Variants in OPTN observed in about 807,000 individuals in gnomAD.
The protein encoded by OPTN is E3-14.7K-interacting protein.
Under a neutral mutation model 70.4 loss-of-function variants are expected in OPTN, and 54 were observed. The observed-to-expected ratio is 0.77, with a 90% confidence interval of 0.62 to 0.96. The LOEUF (loss-of-function observed/expected upper bound fraction) is 0.96. Ranked by LOEUF, OPTN falls within the 40% of genes least tolerant of loss-of-function variation. The pLI is 0.00. For synonymous variants in OPTN, 256 were observed against 248.5 expected (o/e 1.03, Z -0.28); for missense variants, 624 against 673.2 (o/e 0.93, Z 0.81).
chr10:13,107,629 C>A (rs977724597), intron 1 of OPTN, among the ~76,000 whole-genome samples: 51 of 151,978 alleles, frequency 3.4e-4, no homozygotes, highest in Admixed American at 3.3e-3. Context: ...AATCTGCCCG[C>A]CTCAGCCTCC....
intron 5 of OPTN, among the ~76,000 whole-genome samples, chr10:13,115,197 ATATATCTATATTTATATATATATTTAT>A (rs1256567207): frequency 3.7e-5 from 2 of 54,608 alleles, no homozygotes; most frequent in African/African-American, 1.5e-4. Context: ...ATATTTATAG[ATATATCTATATTTATATATATATTTAT>A]ATATAGATAT....
chr10:13,132,489 T>C (rs989828170), intron 13 of OPTN, among the ~76,000 whole-genome samples: 19 of 151,900 alleles, frequency 1.3e-4, no homozygotes, highest in Admixed American at 2.0e-4. Flanking sequence ...TAAGCAAGGA[T>C]TTTGATTTGA....
intron 4 of OPTN, among the ~76,000 whole-genome samples, chr10:13,111,905 T>A (rs1256010256): frequency 6.1e-5 from 8 of 132,108 alleles, no homozygotes; most frequent in African/African-American, 2.0e-4. Context: ...TGGAGTACAG[T>A]GGCATAATCT....
chr10:13,122,869 G>T (rs1233970954), intron 8 of OPTN: 2 of 291,380 alleles, frequency 6.9e-6, no homozygotes, highest in African/African-American at 2.2e-5. Context: ...TACAGACAGG[G>T]TTTCACCATG....
At chr10:13,107,523 C>T (rs1343590515) in intron 1 of OPTN, among the ~76,000 whole-genome samples, 3 of 150,060 alleles carry the variant, frequency 2.0e-5, no homozygotes, top group Admixed American at 6.6e-5. Context: ...GGACTACAGG[C>T]ACCTGCCACC....
chr10:13,129,924 T>C (rs541746940), intron 12 of OPTN, among the ~76,000 whole-genome samples: 2 of 152,314 alleles, frequency 1.3e-5, no homozygotes, highest in South Asian at 2.1e-4. Context: ...CTGGTACTTA[T>C]AGCTTTAGTT....
At chr10:13,118,048 C>G (rs771302316) in intron 6 of OPTN, among the ~76,000 whole-genome samples, 13 of 152,224 alleles carry the variant, frequency 8.5e-5, no homozygotes, top group African/African-American at 3.1e-4. Context: ...ACTTCCTCAT[C>G]ATTCATATCC....
chr10:13,103,751 C>CACACACACAT (rs1399177393), intron 1 of OPTN, among the ~76,000 whole-genome samples: 1 of 59,222 alleles, frequency 1.7e-5, no homozygotes, highest in African/African-American at 4.0e-5. Flanking sequence ...TGCACACACA[C>CACACACACAT]ACACACACAC....
chr10:13,130,012 T>C (rs922079961), intron 12 of OPTN, among the ~76,000 whole-genome samples: 5 of 152,206 alleles, frequency 3.3e-5, no homozygotes, highest in African/African-American at 9.6e-5. Context: ...ACTCATGTCA[T>C]TGGGTTCTTC....
At chr10:13,128,477 T>TTGTG (rs56220050) in intron 12 of OPTN, among the ~76,000 whole-genome samples, 33,182 of 135,718 alleles carry the variant, frequency 0.24, 4,655 homozygotes, top group South Asian at 0.32. Context: ...GTATCCTCTT[T>TTGTG]TGTGAAGTGC....
At chr10:13,113,217 GT>G (rs577555927) in intron 5 of OPTN, among the ~76,000 whole-genome samples, 193 of 152,202 alleles carry the variant, frequency 1.3e-3, no homozygotes, top group African/African-American at 4.4e-3. Flanking sequence ...AAAAAGACAG[GT>G]TTTTGCCATG....
At chr10:13,123,336 A>C (rs1302026496) in intron 8 of OPTN, 2 of 152,908 alleles carry the variant, frequency 1.3e-5, no homozygotes, top group Admixed American at 6.5e-5. Flanking sequence ...AGGCATTTAC[A>C]TAAAATATTC....
intron 5 of OPTN, among the ~76,000 whole-genome samples, chr10:13,114,836 AAT>A: frequency 1.8e-5 from 2 of 111,952 alleles, no homozygotes; most frequent in African/African-American, 3.4e-5. Flanking sequence ...ATAATTATAT[AAT>A]TATATAATTG....
intron 14 of OPTN, 68 bp from the exon 15 acceptor site, chr10:13,136,677 T>C: frequency 6.2e-7 from 1 of 1,601,070 alleles, no homozygotes; most frequent in Middle Eastern, 1.7e-4. Context: ...TCGCCATCTG[T>C]TCTTCAAGTG....
At chr10:13,135,032 C>T (rs986484877) in intron 14 of OPTN, among the ~76,000 whole-genome samples, 9 of 152,152 alleles carry the variant, frequency 5.9e-5, no homozygotes, top group Non-Finnish European at 1.2e-4. Context: ...TCAATACATA[C>T]CTCTTCAGAA....
At chr10:13,113,496 A>AGC (rs1242901872) in intron 5 of OPTN, among the ~76,000 whole-genome samples, 2 of 152,180 alleles carry the variant, frequency 1.3e-5, no homozygotes, top group Non-Finnish European at 1.5e-5. Flanking sequence ...CTGAGTTTGA[A>AGC]GCCATTGCTA....
intron 9 of OPTN, among the ~76,000 whole-genome samples, chr10:13,124,626 A>G (rs1028683367): frequency 1.3e-5 from 2 of 152,180 alleles, no homozygotes; most frequent in Non-Finnish European, 2.9e-5. Flanking sequence ...ATGCTGTTCT[A>G]TTGGATTCAT....
chr10:13,121,955 T>C (rs1833360952), intron 7 of OPTN, among the ~76,000 whole-genome samples: 1 of 152,238 alleles, frequency 6.6e-6, no homozygotes, highest in Non-Finnish European at 1.5e-5. Context: ...AGAATGGTGT[T>C]ACTTTTTTTG....
At chr10:13,134,089 G>A (rs1295763881) in intron 14 of OPTN, among the ~76,000 whole-genome samples, 1 of 152,278 alleles carries the variant, frequency 6.6e-6, no homozygotes, top group South Asian at 2.1e-4. Flanking sequence ...GATTACAGGC[G>A]CAAGCCACTG....
Sources: gnomAD v4.1 joint callset for allele counts (sites outside exome capture counted in the v4.1 genomes callset) on GRCh38, gnomAD v4.1.1 for gene constraint, MANE v1.5 for transcripts, NCBI Gene and HGNC (gene_info 2026-07-23, HGNC 2026-07-21) for gene names.